HCN1: variants seen among roughly 807,000 people sequenced by gnomAD.
The protein encoded by HCN1 is potassium/sodium hyperpolarization-activated cyclic nucleotide-gated channel 1.
Under a neutral mutation model 78.9 loss-of-function variants are expected in HCN1, and 13 were observed. The observed-to-expected ratio is 0.16, with a 90% confidence interval of 0.11 to 0.26. The LOEUF (loss-of-function observed/expected upper bound fraction) is 0.26. HCN1 is among the 10% of genes least tolerant of loss of function. The pLI is 1.00. For missense variants in HCN1, 810 were observed against 1,154.3 expected (o/e 0.70, Z 4.32); for synonymous variants, 552 against 455.5 (o/e 1.21, Z -2.70).
chr5:45,476,707 G>C (rs1259789200), intron 2 of HCN1, among the ~76,000 whole-genome samples: 3 of 152,096 alleles, frequency 2.0e-5, no homozygotes, highest in Admixed American at 2.0e-4. Context: ...CTCTTCATTA[G>C]ACTATATGCC....
intron 3 of HCN1, among the ~76,000 whole-genome samples, chr5:45,441,875 G>T (rs1740686828): frequency 1.3e-5 from 2 of 152,076 alleles, no homozygotes; most frequent in Admixed American, 6.5e-5. Context: ...TTAACTTTAA[G>T]AAAACCCTTA....
chr5:45,370,916 T>C (rs951987776), intron 4 of HCN1, among the ~76,000 whole-genome samples: 2 of 152,144 alleles, frequency 1.3e-5, no homozygotes, highest in African/African-American at 4.8e-5. Flanking sequence ...AAATTCTTTT[T>C]ACTGATTCTC....
At chr5:45,543,177 T>C (rs1743139207) in intron 2 of HCN1, among the ~76,000 whole-genome samples, 1 of 152,112 alleles carries the variant, frequency 6.6e-6, no homozygotes, top group South Asian at 2.1e-4. Context: ...GTTGCTTCAA[T>C]GAATTTGGTA....
At chr5:45,478,764 C>T (rs1409666216) in intron 2 of HCN1, among the ~76,000 whole-genome samples, 6 of 150,630 alleles carry the variant, frequency 4.0e-5, no homozygotes, top group Non-Finnish European at 5.9e-5. Context: ...TGCAGCAATA[C>T]GAAAACCTTA....
At chr5:45,429,485 T>G (rs562777368) in intron 3 of HCN1, among the ~76,000 whole-genome samples, 1 of 152,206 alleles carries the variant, frequency 6.6e-6, no homozygotes, top group South Asian at 2.1e-4. Flanking sequence ...AGCTCATCTC[T>G]TTTGAGAGGG....
At chr5:45,626,816 G>C (rs911633108) in intron 2 of HCN1, among the ~76,000 whole-genome samples, 2 of 151,956 alleles carry the variant, frequency 1.3e-5, no homozygotes, top group Non-Finnish European at 2.9e-5. Flanking sequence ...GTTTCATTTG[G>C]AGGACGCAGA....
In HCN1 at chr5:45,395,360, C is replaced by T. The variant is rs552964357; in HGVS notation, c.1230+1132G>A. Among the ~76,000 whole-genome samples, 10 of 152,266 alleles carry T rather than the reference C, an allele frequency of 6.6e-5. No homozygotes were observed. The East Asian group carries it at 7.7e-4, about 12-fold the overall frequency. ...GTCTCTTCTTCCTTACTACGTTCTTCGTTCTTTCCAATTCATTTGGAGACT... is the reference window on the plus strand; with the variant it reads ...GTCTCTTCTTCCTTACTACGTTCTTTGTTCTTTCCAATTCATTTGGAGACT... On this transcript the variant is annotated intron_variant, in intron 4 of 7. Coordinates refer to ENST00000303230, the MANE Select transcript of HCN1 (RefSeq NM_021072.4).
chr5:45,676,297 T>C (rs970504406), intron 1 of HCN1, among the ~76,000 whole-genome samples: 1 of 151,818 alleles, frequency 6.6e-6, no homozygotes, highest in Non-Finnish European at 1.5e-5. Flanking sequence ...ATAAAGAATA[T>C]AGACATAACT....
intron 4 of HCN1, among the ~76,000 whole-genome samples, chr5:45,363,580 T>A (rs1227832894): frequency 1.3e-5 from 2 of 152,138 alleles, no homozygotes; most frequent in East Asian, 3.9e-4. Context: ...TTTTTCATGG[T>A]GATATGGTTT....
intron 6 of HCN1, among the ~76,000 whole-genome samples, chr5:45,270,071 T>G (rs1474142119): frequency 1.3e-5 from 2 of 152,218 alleles, no homozygotes; most frequent in Non-Finnish European, 2.9e-5. Flanking sequence ...TGTTCAGCAC[T>G]TCAATGATGC....
rs116121439 is a variant in HCN1, at chr5:45,328,164, C to T, written c.1378-24325G>A. On this transcript the variant is annotated intron_variant, in intron 5 of 7. Transcript: ENST00000303230. Reference sequence around the variant, plus strand: ...AACACATTTCTGTTCATGTATTCCACACACAAATTGAATGCCTTTTTCATC... The same window carrying T: ...AACACATTTCTGTTCATGTATTCCATACACAAATTGAATGCCTTTTTCATC... Among the ~76,000 whole-genome samples, 450 of 151,754 alleles carry T rather than the reference C, an allele frequency of 3.0e-3. 5 individuals are homozygous for T. Among genetic ancestry groups the T allele is most frequent in the African/African-American group, 0.01 (432 of 41,482 alleles).
At position 45,645,956 on chromosome 5, in the gene HCN1, T is replaced by C. The variant is rs183709485; in HGVS notation, c.426-348A>G. On this transcript the variant is annotated intron_variant, in intron 1 of 7. Transcript: ENST00000303230. ...AATATAGACAGAAACTAGAAAGAAGTATAAGATTAGAAGATCTGTAAGAAA... is the reference window on the plus strand; with the variant it reads ...AATATAGACAGAAACTAGAAAGAAGCATAAGATTAGAAGATCTGTAAGAAA... 3.4e-4 allele frequency among the ~76,000 whole-genome samples: 52 copies of C among 152,048 alleles called. No homozygotes were observed. In the East Asian group the frequency reaches 5.0e-3, roughly 15 times the overall value.
At chr5:45,435,097 C>T (rs1048372666) in intron 3 of HCN1, among the ~76,000 whole-genome samples, 4 of 151,968 alleles carry the variant, frequency 2.6e-5, no homozygotes, top group Admixed American at 6.6e-5. Context: ...AAGAAAACAT[C>T]TAACTAATTT....
intron 2 of HCN1, among the ~76,000 whole-genome samples, chr5:45,581,940 G>C (rs1744086236): frequency 1.3e-5 from 2 of 152,196 alleles, no homozygotes; most frequent in Admixed American, 1.3e-4. Context: ...AGTACAGTTT[G>C]AAGTCAGGTA....
intron 6 of HCN1, among the ~76,000 whole-genome samples, chr5:45,281,860 G>C (rs1745176461): frequency 6.6e-6 from 1 of 151,752 alleles, no homozygotes; most frequent in South Asian, 2.1e-4. Flanking sequence ...CCAGTGTTGG[G>C]ATTACAGGTG....
At chr5:45,574,442 T>C (rs561161471) in intron 2 of HCN1, 26 of 152,214 alleles carry the variant, frequency 1.7e-4, no homozygotes, top group African/African-American at 6.3e-4. Flanking sequence ...ACTTCATCAA[T>C]AAGTGTGTGT....
At chr5:45,449,438 T>TA (rs1740865963) in intron 3 of HCN1, among the ~76,000 whole-genome samples, 1 of 152,212 alleles carries the variant, frequency 6.6e-6, no homozygotes, top group African/African-American at 2.4e-5. Flanking sequence ...TCATTTCTTC[T>TA]ATGCTTTTTA....
intron 5 of HCN1, among the ~76,000 whole-genome samples, chr5:45,348,819 C>G (rs1746813189): frequency 6.6e-6 from 1 of 152,172 alleles, no homozygotes; most frequent in Admixed American, 6.5e-5. Flanking sequence ...ACAAGAAGAG[C>G]TAACTATCCT....
At chr5:45,643,607 C>T (rs1013927992) in intron 2 of HCN1, 1 of 152,060 alleles carries the variant, frequency 6.6e-6, no homozygotes, top group African/African-American at 2.4e-5. Flanking sequence ...AGTCTGATTG[C>T]CAAGTTTGGA....
Sources: gnomAD v4.1 joint callset for allele counts (sites outside exome capture counted in the v4.1 genomes callset) on GRCh38, gnomAD v4.1.1 for gene constraint, MANE v1.5 for transcripts, NCBI Gene and HGNC (gene_info 2026-07-23, HGNC 2026-07-21) for gene names.